The following ARSB variants were observed in gnomAD, a reference collection of about 807,000 sequenced individuals.
The protein encoded by ARSB is arylsulfatase B.
ARSB carries 41 observed loss-of-function variants against 50.9 expected under a neutral mutation model. The ratio of observed to expected loss-of-function variants is 0.81; its 90% confidence interval spans 0.63 to 1.04. The LOEUF (loss-of-function observed/expected upper bound fraction) is 1.04. Among genes scored for constraint, ARSB ranks in the 50% least tolerant of loss-of-function variants. The probability of loss-of-function intolerance (pLI) is 0.00; values close to 1 mark genes in which losing one functional copy is unlikely to be tolerated. For missense variants in ARSB, 672 were observed against 693.3 expected, an observed-to-expected ratio of 0.97 and a Z score of 0.35; for synonymous variants, 269 against 284.8, an observed-to-expected ratio of 0.94 and a Z score of 0.56.
rs146551860 is a variant in ARSB, at chr5:78,911,970, T to C, written c.899-26143A>G. Among the ~76,000 whole-genome samples, 124 of 152,192 alleles carry C rather than the reference T, an allele frequency of 8.1e-4. 4 individuals are homozygous for C. The East Asian group carries it at 0.022, about 27-fold the overall frequency. On this transcript the variant is annotated intron_variant, in intron 4 of 7. Transcript: ENST00000264914. ...AATAATTTTAAAAATAGAAAAAAGGTGGTATTTGGGGAGAATCTAAAATAG... is the reference window on the plus strand; with the variant it reads ...AATAATTTTAAAAATAGAAAAAAGGCGGTATTTGGGGAGAATCTAAAATAG...
chr5:78,805,068 A>G (rs1180124852), intron 6 of ARSB, among the ~76,000 whole-genome samples: 3 of 152,240 alleles, frequency 2.0e-5, no homozygotes, highest in Non-Finnish European at 2.9e-5. Context: ...TTCCTCACAG[A>G]CTTACTCAAA....
intron 4 of ARSB, among the ~76,000 whole-genome samples, chr5:78,924,839 A>G (rs1276441761): frequency 6.6e-6 from 1 of 152,246 alleles, no homozygotes; most frequent in Admixed American, 6.5e-5. Context: ...AAAGCAAAGC[A>G]TTGTCCTGAA....
rs1396080084 is a variant in ARSB, at chr5:78,968,719, TA to T, written c.499+286del. ...AAAATCAATCCATATCCCTTTTTGGTAATAAGGGTCTCTGAGAGTACAGCGG... is the reference window on the plus strand; with the variant it reads ...AAAATCAATCCATATCCCTTTTTGGTATAAGGGTCTCTGAGAGTACAGCGG... On this transcript the variant is annotated intron_variant, in intron 2 of 7. Transcript: ENST00000264914. Among the ~76,000 whole-genome samples, 4 of 152,096 alleles carry T rather than the reference TA, an allele frequency of 2.6e-5. No individual in the cohort carries two copies. The East Asian group carries it at 5.8e-4, about 22-fold the overall frequency.
At chr5:78,938,810 C>G (rs1158977028) in intron 4 of ARSB, among the ~76,000 whole-genome samples, 1 of 152,146 alleles carries the variant, frequency 6.6e-6, no homozygotes. Context: ...ATTGTGAAAG[C>G]TCAGATAATA....
intron 1 of ARSB, 101 bp downstream of exon 1, chr5:78,984,836 C>T: frequency 1.0e-6 from 1 of 1,004,298 alleles, no homozygotes; most frequent in Non-Finnish European, 1.3e-6. Flanking sequence ...CGGTCCGAGC[C>T]CCGCCTGCCA....
intron 6 of ARSB, among the ~76,000 whole-genome samples, chr5:78,838,039 A>G (rs1745026366): frequency 6.6e-6 from 1 of 152,202 alleles, no homozygotes; most frequent in African/African-American, 2.4e-5. Flanking sequence ...GTCATCAAGT[A>G]ATCATTACTG....
chr5:78,969,677 C>T (rs962347355), intron 1 of ARSB, among the ~76,000 whole-genome samples: 3 of 152,104 alleles, frequency 2.0e-5, no homozygotes, highest in Non-Finnish European at 2.9e-5. Flanking sequence ...AGTGCAATGG[C>T]GCAATCTTGG....
At chr5:78,882,012 T>C (rs1303074965) in intron 5 of ARSB, among the ~76,000 whole-genome samples, 2 of 152,264 alleles carry the variant, frequency 1.3e-5, no homozygotes, top group African/African-American at 4.8e-5. Context: ...CTAATGCTAA[T>C]AGCCTGAGTG....
intron 5 of ARSB, among the ~76,000 whole-genome samples, chr5:78,870,491 G>C (rs1364443940): frequency 1.4e-5 from 2 of 146,464 alleles, no homozygotes; most frequent in African/African-American, 5.0e-5. Flanking sequence ...TCATCCCTGG[G>C]ATGCAAGGCT....
At chr5:78,880,462 TACA>T (rs1180685715) in intron 5 of ARSB, among the ~76,000 whole-genome samples, 2 of 152,202 alleles carry the variant, frequency 1.3e-5, no homozygotes, top group African/African-American at 4.8e-5. Context: ...AGCCAGGGTT[TACA>T]ACATTTTTGC....
chr5:78,927,377 C>T (rs549171897), intron 4 of ARSB, among the ~76,000 whole-genome samples: 2 of 152,280 alleles, frequency 1.3e-5, no homozygotes, highest in East Asian at 3.9e-4. Context: ...TAGTGGCTAC[C>T]TGTTGAACAG....
intron 5 of ARSB, chr5:78,885,103 C>A (rs1287421134): frequency 6.4e-6 from 1 of 157,460 alleles, no homozygotes; most frequent in Non-Finnish European, 1.4e-5. Flanking sequence ...TCTTGACTGA[C>A]TTGTTCATTC....
At chr5:78,941,383 T>C (rs337837) in intron 4 of ARSB, among the ~76,000 whole-genome samples, 151,036 of 152,008 alleles carry the variant, frequency 0.99, 75,038 homozygotes, top group East Asian at 1. Context: ...GGGAATGCTT[T>C]CAGTTTCTGC....
At chr5:78,848,444 T>G (rs931509895) in intron 5 of ARSB, among the ~76,000 whole-genome samples, 1 of 150,824 alleles carries the variant, frequency 6.6e-6, no homozygotes, top group African/African-American at 2.5e-5. Context: ...TGTGCCACAT[T>G]TTCTTAATCC....
intron 6 of ARSB, among the ~76,000 whole-genome samples, chr5:78,812,094 C>T (rs1743829284): frequency 6.6e-6 from 1 of 152,152 alleles, no homozygotes; most frequent in African/African-American, 2.4e-5. Flanking sequence ...AAGAGCACAT[C>T]AGGGACATCT....
In ARSB at chr5:78,885,613, C is replaced by T. The variant is rs772218687; in HGVS notation, c.1113G>A (p.Leu371=). 3 of 1,613,982 alleles carry T rather than the reference C, an allele frequency of 1.9e-6. No individual in the cohort carries two copies. The highest frequency in any genetic ancestry group is 2.5e-6 in the Non-Finnish European group (3 of 1,180,038). ...ARGHTNGTKP[L]DGFDVWKTIS... is the part of the protein sequence containing the mutation. ...TGGTTTTCCACACGTCGAAGCCATC[C>T]AGAGGCTTTGTGCCATTGGTGTGTC... Residue 371 remains leucine, a synonymous_variant, in exon 5 of 8, where the codon CTG becomes CTA. Transcript: ENST00000264914.
At chr5:78,801,549 C>T (rs1159282862) in intron 6 of ARSB, among the ~76,000 whole-genome samples, 2 of 152,214 alleles carry the variant, frequency 1.3e-5, no homozygotes, top group East Asian at 3.8e-4. Flanking sequence ...CAGGTGCACT[C>T]TCACTCACAC....
At chr5:78,925,406 G>A (rs1477934035) in intron 4 of ARSB, among the ~76,000 whole-genome samples, 6 of 152,048 alleles carry the variant, frequency 3.9e-5, no homozygotes, top group Non-Finnish European at 8.8e-5. Context: ...ACAAAGCAGT[G>A]GGAATGTGAT....
chr5:78,930,154 C>T (rs1229375036), intron 4 of ARSB, among the ~76,000 whole-genome samples: 1 of 152,154 alleles, frequency 6.6e-6, no homozygotes, highest in Non-Finnish European at 1.5e-5. Context: ...CAAAAGGGGA[C>T]ACCAAAGTGG....
Sources: allele counts gnomAD v4.1 joint callset (sites outside exome capture counted in the v4.1 genomes callset), GRCh38; gene constraint gnomAD v4.1.1; transcripts MANE v1.5; gene names NCBI Gene and HGNC (gene_info 2026-07-23, HGNC 2026-07-21).